Variants in PLS1 observed in about 807,000 individuals in gnomAD.
PLS1 encodes the protein plastin-1.
A neutral mutation model predicts 73.7 loss-of-function variants in PLS1; 32 were observed. The observed-to-expected ratio is 0.43, with a 90% confidence interval of 0.33 to 0.58. The LOEUF is 0.58. PLS1 is among the 20% of genes least tolerant of loss of function. The pLI is 0.04. For synonymous variants in PLS1, 217 were observed against 261.3 expected (o/e 0.83, Z 1.63); for missense variants, 633 against 740.5 (o/e 0.85, Z 1.68).
In PLS1 at chr3:142,708,161, A is replaced by G. The variant is rs149546583; in HGVS notation, c.1630-3340A>G. ...GCATTGCTAATATATAAAGGGCATCATATGTGGCAGGACAGGGGACTCTGC... is the reference window on the plus strand; with the variant it reads ...GCATTGCTAATATATAAAGGGCATCGTATGTGGCAGGACAGGGGACTCTGC... On this transcript the variant is annotated intron_variant, in intron 14 of 15. Transcript: ENST00000457734. Among the ~76,000 whole-genome samples, 136 of 152,312 alleles carry G rather than the reference A, an allele frequency of 8.9e-4. 1 individual carries two copies. The highest frequency in any genetic ancestry group is 2.9e-3 in the East Asian group (15 of 5,186).
intron 1 of PLS1, among the ~76,000 whole-genome samples, chr3:142,631,190 A>T (rs900629295): frequency 6.6e-6 from 1 of 151,928 alleles, no homozygotes; most frequent in Non-Finnish European, 1.5e-5. Flanking sequence ...CAGCCTTAGC[A>T]ACATGGCAAA....
chr3:142,622,874 G>T (rs533292664), intron 1 of PLS1, among the ~76,000 whole-genome samples: 26 of 152,114 alleles, frequency 1.7e-4, no homozygotes, highest in African/African-American at 6.0e-4. Context: ...GTTTGTTTTT[G>T]GTTTTACAAT....
At chr3:142,655,638 C>T (rs930817300) in intron 1 of PLS1, among the ~76,000 whole-genome samples, 8 of 150,380 alleles carry the variant, frequency 5.3e-5, no homozygotes, top group Admixed American at 2.0e-4. Context: ...AGGAAAATCG[C>T]TTGAACCTGG....
At chr3:142,676,379 C>A in intron 5 of PLS1, 90 bp downstream of exon 5, 1 of 1,179,194 alleles carries the variant, frequency 8.5e-7, no homozygotes, top group Non-Finnish European at 1.2e-6. Flanking sequence ...TGTCCATTGT[C>A]TTTTGGAGTC....
At chr3:142,708,484 G>C (rs897516512) in intron 14 of PLS1, among the ~76,000 whole-genome samples, 2 of 152,218 alleles carry the variant, frequency 1.3e-5, no homozygotes, top group African/African-American at 4.8e-5. Flanking sequence ...CTGACCTCCT[G>C]ATCTGCCTGC....
intron 14 of PLS1, 48 bp downstream of exon 14, chr3:142,704,634 AATTTTTT>A: frequency 1.9e-6 from 1 of 527,380 alleles, no homozygotes; most frequent in South Asian, 2.7e-5. Context: ...TATAGGAAGG[AATTTTTT>A]TTTTTTTTTT....
chr3:142,624,603 AGGC>A (rs1443791614), intron 1 of PLS1, among the ~76,000 whole-genome samples: 2 of 152,222 alleles, frequency 1.3e-5, no homozygotes, highest in Non-Finnish European at 2.9e-5. Context: ...TTCTTAAAAG[AGGC>A]CAGCTTTTAA....
At chr3:142,652,871 G>C (rs539679417) in intron 1 of PLS1, among the ~76,000 whole-genome samples, 2 of 152,308 alleles carry the variant, frequency 1.3e-5, no homozygotes, top group South Asian at 4.1e-4. Flanking sequence ...AGTTGCACAA[G>C]TCAAATAACA....
intron 13 of PLS1, 25 bp downstream of exon 13, chr3:142,704,026 A>G: frequency 6.2e-7 from 1 of 1,603,734 alleles, no homozygotes; most frequent in Non-Finnish European, 8.5e-7. Context: ...GTTGGTAGCA[A>G]CACTGCCTGT....
intron 1 of PLS1, among the ~76,000 whole-genome samples, chr3:142,602,812 A>C (rs1441812356): frequency 1.7e-5 from 2 of 118,878 alleles, no homozygotes; most frequent in Non-Finnish European, 3.5e-5. Context: ...TGTTCCCAGG[A>C]TATGAAAGGC....
intron 1 of PLS1, among the ~76,000 whole-genome samples, chr3:142,649,320 A>C (rs2037028207): frequency 7.6e-6 from 1 of 131,232 alleles, no homozygotes; most frequent in Admixed American, 8.0e-5. Flanking sequence ...TGGGTAACAG[A>C]GTGAGACCCT....
chr3:142,642,878 A>G (rs1379301779), intron 1 of PLS1, among the ~76,000 whole-genome samples: 1 of 152,062 alleles, frequency 6.6e-6, no homozygotes, highest in Non-Finnish European at 1.5e-5. Flanking sequence ...TTTTGTAGAG[A>G]CAGGGTTTTG....
intron 1 of PLS1, among the ~76,000 whole-genome samples, chr3:142,609,774 G>T (rs141416599): frequency 1.3e-5 from 2 of 152,320 alleles, no homozygotes; most frequent in East Asian, 3.9e-4. Context: ...TCCATTTGTG[G>T]ATATGGTTAT....
chr3:142,704,073 A>G, intron 13 of PLS1, 72 bp downstream of exon 13: 1 of 1,305,792 alleles, frequency 7.7e-7, no homozygotes, highest in Non-Finnish European at 1.1e-6. Context: ...ATTTTTAGCT[A>G]TTTTTGAACA....
chr3:142,665,150 G>T (rs184414254), intron 2 of PLS1, among the ~76,000 whole-genome samples: 88 of 151,900 alleles, frequency 5.8e-4, no homozygotes, highest in African/African-American at 2.1e-3. Context: ...GTAGATCAGG[G>T]AGGAGAAAAT....
At chr3:142,618,067 G>T (rs1032954944) in intron 1 of PLS1, among the ~76,000 whole-genome samples, 2 of 152,180 alleles carry the variant, frequency 1.3e-5, no homozygotes, top group Admixed American at 6.6e-5. Flanking sequence ...CTCAGGAAGG[G>T]TTAAGACAAA....
At chr3:142,695,676 C>T (rs994286151) in intron 11 of PLS1, among the ~76,000 whole-genome samples, 9 of 151,926 alleles carry the variant, frequency 5.9e-5, no homozygotes, top group African/African-American at 1.9e-4. Flanking sequence ...TATTTGTATT[C>T]GAATTTTAAA....
intron 1 of PLS1, among the ~76,000 whole-genome samples, chr3:142,658,278 G>C (rs1361186735): frequency 2.0e-5 from 3 of 152,042 alleles, no homozygotes; most frequent in Non-Finnish European, 2.9e-5. Context: ...TTAGAGACCA[G>C]CCTGGCCAAC....
chr3:142,712,160 T>A lies in PLS1; in HGVS notation c.*153T>A, dbSNP rs1933163801. On this transcript the variant is annotated 3_prime_UTR_variant, in exon 16 of 16. Coordinates refer to ENST00000457734, the MANE Select transcript of PLS1 (RefSeq NM_001145319.2). ...AATTCAATATCCTGTTCATACTAGT[T>A]AGAGCTGGTCAGCCTTTTTGGGTAA... 1 of 639,288 alleles carries A rather than the reference T, an allele frequency of 1.6e-6. No homozygotes were observed. The highest frequency in any genetic ancestry group is 1.8e-5 in the African/African-American group (1 of 54,678). The allele number at this position is 639,288 out of a possible 1,614,324, so 39.6% of individuals were successfully genotyped here.
Sources: gnomAD v4.1 joint callset for allele counts (sites outside exome capture counted in the v4.1 genomes callset) on GRCh38, gnomAD v4.1.1 for gene constraint, MANE v1.5 for transcripts, NCBI Gene and HGNC (gene_info 2026-07-23, HGNC 2026-07-21) for gene names.